Variants in SUMF1 observed in about 807,000 individuals in gnomAD.
SUMF1 encodes sulfatase modifying factor 1, also known as formylglycine-generating enzyme.
A neutral mutation model predicts 47.6 loss-of-function variants in SUMF1; 48 were observed. That is an observed-to-expected ratio of 1.01 (90% confidence interval 0.80 to 1.28). SUMF1 has a LOEUF of 1.28. Ranked by LOEUF, SUMF1 falls within the 50% of genes most tolerant of loss-of-function variation. The pLI is 0.00. For missense variants in SUMF1, 571 were observed against 485.4 expected (o/e 1.18, Z -1.66); for synonymous variants, 230 against 192.1 (o/e 1.20, Z -1.63).
intron 8 of SUMF1, among the ~76,000 whole-genome samples, chr3:4,270,265 T>G (rs978182998): frequency 2.0e-5 from 3 of 152,130 alleles, no homozygotes; most frequent in Non-Finnish European, 4.4e-5. Flanking sequence ...GAAGTAATAC[T>G]GACTATAGGT....
chr3:4,280,855 G>A (rs908144466), intron 8 of SUMF1, among the ~76,000 whole-genome samples: 7 of 78,370 alleles, frequency 8.9e-5, no homozygotes, highest in African/African-American at 4.3e-4. Context: ...GTGTGTGTGT[G>A]TGTGTGTGTG....
chr3:4,449,392 G>T, intron 2 of SUMF1, 52 bp from the exon 3 acceptor site: 1 of 1,556,602 alleles, frequency 6.4e-7, no homozygotes, highest in East Asian at 2.2e-5. Flanking sequence ...GTAATGTGTT[G>T]CATGTGTGCC....
At chr3:4,285,283 C>T (rs1349238659) in intron 8 of SUMF1, among the ~76,000 whole-genome samples, 3 of 152,146 alleles carry the variant, frequency 2.0e-5, no homozygotes, top group Non-Finnish European at 2.9e-5. Flanking sequence ...ACTTGCATTA[C>T]TCCTAGGACT....
chr3:4,242,584 T>G (rs984884614), intron 8 of SUMF1, among the ~76,000 whole-genome samples: 43 of 152,224 alleles, frequency 2.8e-4, no homozygotes, highest in African/African-American at 1.0e-3. Context: ...TTTATTGATT[T>G]ATATATGTTG....
At chr3:4,061,893 T>G (rs1695282055) in intron 9 of SUMF1, among the ~76,000 whole-genome samples, 2 of 152,090 alleles carry the variant, frequency 1.3e-5, no homozygotes, top group South Asian at 4.2e-4. Flanking sequence ...GGAGGCCGCT[T>G]TAGGCTACAC....
Position 4,467,176 on chromosome 3 carries a change from G to A in SUMF1, c.70C>T (p.Leu24=), listed in dbSNP as rs2079977759. ...PELGLVLLLL[L]LSLLCGAAGS... ...GCCGCTCCACACAGCAGCGAGAGCAGCAGCAGCAAGAGGACGAGACCCAGC... is the reference window on the plus strand; with the variant it reads ...GCCGCTCCACACAGCAGCGAGAGCAACAGCAGCAAGAGGACGAGACCCAGC... Residue 24 remains leucine, a synonymous_variant, in exon 1 of 9, where the codon CTG becomes TTG. Coordinates refer to ENST00000272902, the MANE Select transcript of SUMF1 (RefSeq NM_182760.4). 6 of 1,608,968 alleles carry A rather than the reference G, an allele frequency of 3.7e-6. No individual in the cohort carries two copies. Among genetic ancestry groups the A allele is most frequent in the Non-Finnish European group, 5.1e-6 (6 of 1,178,370 alleles).
chr3:4,434,002 C>A (rs1264471622), intron 3 of SUMF1, among the ~76,000 whole-genome samples: 1 of 152,176 alleles, frequency 6.6e-6, no homozygotes, highest in East Asian at 1.9e-4. Context: ...CATGGATGAA[C>A]CTTGAGGACG....
intron 7 of SUMF1, among the ~76,000 whole-genome samples, chr3:4,405,732 G>C (rs561502280): frequency 2.6e-5 from 4 of 152,200 alleles, no homozygotes; most frequent in African/African-American, 7.2e-5. Context: ...GAGAAACAGA[G>C]GACACTTTCC....
chr3:4,223,339 T>C (rs1380198746), intron 8 of SUMF1, among the ~76,000 whole-genome samples: 4 of 152,136 alleles, frequency 2.6e-5, no homozygotes. Flanking sequence ...GTTAATGACC[T>C]CCTTGTGCCT....
intron 8 of SUMF1, among the ~76,000 whole-genome samples, chr3:4,163,381 AG>A (rs571191085): frequency 0.16 from 3,481 of 22,296 alleles, 493 homozygotes; most frequent in East Asian, 0.42. Context: ...GAAGGAAGGA[AG>A]GGAGGGAGGG....
intron 9 of SUMF1, among the ~76,000 whole-genome samples, chr3:4,046,977 C>T (rs970535316): frequency 3.3e-5 from 5 of 152,082 alleles, no homozygotes; most frequent in African/African-American, 7.2e-5. Context: ...GTCACCGCAT[C>T]GCTTACCACT....
intron 8 of SUMF1, among the ~76,000 whole-genome samples, chr3:4,247,913 T>C (rs1047052740): frequency 3.9e-5 from 6 of 152,358 alleles, no homozygotes; most frequent in Middle Eastern, 3.4e-3. Context: ...AGATAGTCCC[T>C]TGATCTCTCT....
chr3:4,160,159 T>C (rs1180268775), intron 8 of SUMF1, among the ~76,000 whole-genome samples: 1 of 152,130 alleles, frequency 6.6e-6, no homozygotes, highest in Non-Finnish European at 1.5e-5. Flanking sequence ...CCTATCTCTT[T>C]CTCTACCTCC....
intron 7 of SUMF1, among the ~76,000 whole-genome samples, chr3:4,393,945 G>A (rs548878855): frequency 2.2e-4 from 33 of 152,016 alleles, no homozygotes; most frequent in African/African-American, 8.0e-4. Flanking sequence ...AATGTAATTA[G>A]GATCACAACA....
chr3:4,442,638 G>GAAAAAAAAA lies in SUMF1; in HGVS notation c.519+6619_519+6627dup, dbSNP rs61296884. Among the ~76,000 whole-genome samples, 268 of 61,272 alleles carry GAAAAAAAAA rather than the reference G, an allele frequency of 4.4e-3. 2 individuals are homozygous for GAAAAAAAAA. The highest frequency in any genetic ancestry group is 0.011 in the African/African-American group (250 of 21,868). The allele number at this position is 61,272 out of a possible 152,430, so 40.2% of individuals were successfully genotyped here. On this transcript the variant is annotated intron_variant, in intron 3 of 8. Coordinates refer to ENST00000272902, the MANE Select transcript of SUMF1 (RefSeq NM_182760.4). ...AAATAGAGGGACAAGAGAGAAAAAGGAAAAAAAAAAAAAAGAGAGAGAAAA... is the reference window on the plus strand; with the variant it reads ...AAATAGAGGGACAAGAGAGAAAAAGGAAAAAAAAAAAAAAAAAAAAAAAGAGAGAGAAAA...
At chr3:4,195,562 G>T (rs914787008) in intron 8 of SUMF1, among the ~76,000 whole-genome samples, 2 of 152,094 alleles carry the variant, frequency 1.3e-5, no homozygotes, top group African/African-American at 2.4e-5. Context: ...AGAGCAGAAA[G>T]AATTTTTTAT....
At chr3:4,152,413 G>A (rs1387742185) in intron 8 of SUMF1, among the ~76,000 whole-genome samples, 3 of 151,032 alleles carry the variant, frequency 2.0e-5, no homozygotes, top group Admixed American at 1.3e-4. Context: ...TCAGCCACCC[G>A]AGTAGCTAGA....
intron 3 of SUMF1, among the ~76,000 whole-genome samples, chr3:4,434,023 T>A (rs1411586010): frequency 1.3e-5 from 2 of 152,150 alleles, no homozygotes; most frequent in Non-Finnish European, 2.9e-5. Flanking sequence ...TGATGCTGAG[T>A]GAAGTAAGTC....
intron 8 of SUMF1, chr3:4,313,037 A>C (rs750035527): frequency 1.2e-6 from 2 of 1,613,950 alleles, no homozygotes; most frequent in South Asian, 2.2e-5. Context: ...TATGATGATA[A>C]CTCATGCCTT....
Sources: allele counts gnomAD v4.1 joint callset (sites outside exome capture counted in the v4.1 genomes callset), GRCh38; gene constraint gnomAD v4.1.1; transcripts MANE v1.5; gene names NCBI Gene and HGNC (gene_info 2026-07-23, HGNC 2026-07-21).